MAG: variants seen among roughly 807,000 people sequenced by gnomAD.
MAG encodes myelin associated glycoprotein.
A neutral mutation model predicts 60.7 loss-of-function variants in MAG; 30 were observed. That is an observed-to-expected ratio of 0.49 (90% confidence interval 0.37 to 0.67). The LOEUF is 0.67. Ranked by LOEUF, MAG falls within the 30% of genes least tolerant of loss-of-function variation. The pLI is 0.00. For missense variants in MAG, 795 were observed against 851.7 expected, an observed-to-expected ratio of 0.93 and a Z score of 0.83; for synonymous variants, 384 against 376.8, an observed-to-expected ratio of 1.02 and a Z score of -0.22.
At chr19:35,309,617 T>A (rs2066510070) in intron 7 of MAG, among the ~76,000 whole-genome samples, 1 of 152,154 alleles carries the variant, frequency 6.6e-6, no homozygotes, top group East Asian at 1.9e-4. Flanking sequence ...AACACCTTTA[T>A]CAGTGCCTGG....
At position 35,300,355 on chromosome 19, in the gene MAG, C is replaced by T. The variant is rs753994855; in HGVS notation, c.921C>T (p.Ala307=). The change falls in exon 6 of 11, where the codon GCC becomes GCT. Residue 307 remains alanine (A), a synonymous_variant. Transcript: ENST00000392213. ...AAGACGGCGTCTATGCCTGCCTGGC[C>T]GAGAATGCCTATGGCCAGGACAACC... ...PAEDGVYACL[A]ENAYGQDNRT... The T allele has an allele frequency of 5.6e-6, 9 of 1,596,718 alleles. 1 individual carries two copies. In the South Asian group the frequency reaches 8.8e-5, roughly 16 times the overall value.
chr19:35,310,523 C>A, intron 8 of MAG, 24 bp from the exon 9 acceptor site: 1 of 1,603,690 alleles, frequency 6.2e-7, no homozygotes, highest in South Asian at 1.1e-5. Flanking sequence ...GCCCTAAGGG[C>A]GCCTGGGTCT....
chr19:35,295,333 G>A lies in MAG; in HGVS notation c.-23-53G>A. On this transcript the variant is annotated intron_variant, in intron 2 of 10. Transcript: ENST00000392213. This position sits in a 1 kb window ranked among gnomAD's most constrained non-coding sequence, Gnocchi z 5.8. ...TGGGCCCCTTCCTGAAGCCCAGATG[G>A]AACACCCCCTTTCACTTCCCCCAGC... 6.6e-7 allele frequency: 1 copy of A among 1,504,664 alleles called. No individual in the cohort carries two copies. 93.2% of individuals were successfully genotyped at this position (1,504,664 alleles called of 1,614,324 possible).
rs769096120 is a variant in MAG, at chr19:35,295,354, C to G, written c.-23-32C>G. The G allele has an allele frequency of 1.9e-6, 3 of 1,602,088 alleles. No individual in the cohort carries two copies. The highest frequency in any genetic ancestry group is 2.2e-5 in the East Asian group (1 of 44,750). ...GATGGAACACCCCCTTTCACTTCCC[C>G]CAGCCTTTAACCCTCTCCTCTCCCT... On this transcript the variant is annotated intron_variant, in intron 2 of 10. Coordinates refer to ENST00000392213, the MANE Select transcript of MAG (RefSeq NM_002361.4). This position sits in a 1 kb window ranked among gnomAD's most constrained non-coding sequence, Gnocchi z 5.8.
intron 4 of MAG, 94 bp downstream of exon 4, chr19:35,296,075 G>A: frequency 1.4e-6 from 2 of 1,479,392 alleles, no homozygotes; most frequent in South Asian, 1.4e-5. Flanking sequence ...TCCCCAGCAG[G>A]CCTGGATGGC....
chr19:35,296,103 A>G, intron 4 of MAG, 122 bp downstream of exon 4: 1 of 1,387,196 alleles, frequency 7.2e-7, no homozygotes, highest in Non-Finnish European at 9.7e-7. Context: ...GGAGGTGCTG[A>G]TTTGGCTGGG....
In MAG at chr19:35,299,669, C is replaced by A. The variant is rs886516251; in HGVS notation, c.531C>A (p.His177Gln). 3.7e-6 allele frequency: 6 copies of A among 1,603,248 alleles called. No homozygotes were observed. The African/African-American group carries it at 8.1e-5, about 22-fold the overall frequency. The stretch of plus-strand genomic sequence containing the variant: ...GCCCTGAGCTGAGCTGGCTGGGCCA[C>A]GAGGGGCTGGGGGAGCCCGCTGTGC... ...ELRPELSWLG[H>Q]EGLGEPAVLG... Residue 177 changes from histidine (H) to glutamine (Q), a missense_variant, in exon 5 of 11, where the codon CAC becomes CAA. Coordinates refer to ENST00000392213, the MANE Select transcript of MAG (RefSeq NM_002361.4).
At chr19:35,312,129 AGG>A in intron 10 of MAG, 112 bp downstream of exon 10, 1 of 1,248,454 alleles carries the variant, frequency 8.0e-7, no homozygotes. Flanking sequence ...CTCTCACAGG[AGG>A]AGAGGAAGGA....
At chr19:35,303,192 A>G (rs893836499) in intron 7 of MAG, among the ~76,000 whole-genome samples, 2 of 152,142 alleles carry the variant, frequency 1.3e-5, no homozygotes, top group African/African-American at 4.8e-5. Flanking sequence ...CCAAAGTCCT[A>G]GGATTACAGG....
intron 7 of MAG, among the ~76,000 whole-genome samples, chr19:35,304,466 G>A (rs73599089): frequency 0.03 from 4,545 of 152,246 alleles, 228 homozygotes; most frequent in African/African-American, 0.1. Context: ...CAGCAAATGC[G>A]CGTTAGGGGC....
intron 7 of MAG, among the ~76,000 whole-genome samples, chr19:35,308,037 C>T (rs761620268): frequency 6.6e-6 from 1 of 152,144 alleles, no homozygotes; most frequent in South Asian, 2.1e-4. Flanking sequence ...CTCCCTTCTA[C>T]GTGTGGGGCC....
chr19:35,297,178 A>C (rs2066404497), intron 4 of MAG, among the ~76,000 whole-genome samples: 1 of 143,754 alleles, frequency 7.0e-6, no homozygotes, highest in Admixed American at 7.0e-5. Flanking sequence ...ACCACATTAC[A>C]AAAACTCACC....
In MAG at chr19:35,309,963, T is replaced by A. The variant is rs1223799797; in HGVS notation, c.1321T>A (p.Ser441Thr). Residue 441 changes from serine to threonine, a missense_variant, in exon 8 of 11, where the codon TCC (serine) becomes ACC (threonine). Ser to Thr is a moderately conservative substitution (Grantham distance 58). Transcript: ENST00000392213. ...CGTGGTGAAGTCCAACCCGGAGCCG[T>A]CCGTGGCCTTTGAGCTGCCATCGCG... Reference protein sequence around the residue: ...LCVVKSNPEPSVAFELPSRNV... With the variant: ...LCVVKSNPEPTVAFELPSRNV... 1 of 1,613,892 alleles carries A rather than the reference T, an allele frequency of 6.2e-7. No individual in the cohort carries two copies. The highest frequency in any genetic ancestry group is 8.5e-7 in the Non-Finnish European group (1 of 1,179,942).
intron 7 of MAG, among the ~76,000 whole-genome samples, chr19:35,307,915 G>A (rs965288218): frequency 6.6e-5 from 10 of 152,098 alleles, no homozygotes; most frequent in Non-Finnish European, 1.2e-4. Flanking sequence ...CATCTGCAGC[G>A]CAGACTGAAA....
chr19:35,307,502 T>G (rs1374386894), intron 7 of MAG, among the ~76,000 whole-genome samples: 1 of 152,180 alleles, frequency 6.6e-6, no homozygotes, highest in African/African-American at 2.4e-5. Flanking sequence ...AGCAGCATTC[T>G]GTGCTGTAAT....
intron 6 of MAG, among the ~76,000 whole-genome samples, chr19:35,301,536 A>G (rs1388657238): frequency 6.6e-6 from 1 of 150,938 alleles, no homozygotes; most frequent in African/African-American, 2.4e-5. Context: ...TGTTCAAGCA[A>G]TTCTCCTGCC....
chr19:35,297,612 C>G (rs2066410242), intron 4 of MAG, among the ~76,000 whole-genome samples: 1 of 142,378 alleles, frequency 7.0e-6, no homozygotes. Context: ...AAACTACACA[C>G]CACACACTGC....
chr19:35,311,769 G>C (rs1383241088), intron 9 of MAG, 149 bp from the exon 10 acceptor site: 3 of 627,986 alleles, frequency 4.8e-6, no homozygotes, highest in East Asian at 2.8e-5. Flanking sequence ...GGCTGTGTGG[G>C]TAGGAGAGGC....
rs117931434 is a variant in MAG at position 35,310,998 on chromosome 19, C to T, written c.1616+355C>T. Among the ~76,000 whole-genome samples, 832 of 151,350 alleles carry T rather than the reference C, an allele frequency of 5.5e-3. 33 individuals are homozygous for T. In the East Asian group the frequency reaches 0.11, roughly 20 times the overall value. On this transcript the variant is annotated intron_variant, in intron 9 of 10. Coordinates refer to ENST00000392213, the MANE Select transcript of MAG (RefSeq NM_002361.4). ...CAGCCACAGCAGCAGGTCCACTTGA[C>T]GCCAGAAGCCCCAAAGATTACACAC...
Sources: allele counts gnomAD v4.1 joint callset (sites outside exome capture counted in the v4.1 genomes callset), GRCh38; gene constraint gnomAD v4.1.1; non-coding constraint Gnocchi (gnomAD v3.1); transcripts MANE v1.5; gene names NCBI Gene and HGNC (gene_info 2026-07-23, HGNC 2026-07-21).